COBL: variants seen among roughly 807,000 people sequenced by gnomAD.
The protein encoded by COBL is cordon-bleu WH2 repeat protein.
Under a neutral mutation model 98.8 loss-of-function variants are expected in COBL, and 51 were observed. The ratio of observed to expected loss-of-function variants is 0.52; its 90% CI spans 0.41 to 0.65. COBL has a LOEUF of 0.65. Ranked by LOEUF, COBL falls within the 30% of genes least tolerant of loss-of-function variation. The probability of loss-of-function intolerance (pLI) is 0.00; values close to 1 mark genes in which losing one functional copy is unlikely to be tolerated. For missense variants in COBL, 1,617 were observed against 1,617.5 expected (o/e 1.00, Z 0.01); for synonymous variants, 634 against 651.7 (o/e 0.97, Z 0.41).
At chr7:51,215,755 A>C (rs1485600365) in intron 2 of COBL, among the ~76,000 whole-genome samples, 2 of 152,248 alleles carry the variant, frequency 1.3e-5, no homozygotes, top group Non-Finnish European at 2.9e-5. Context: ...TGCAAGGCCA[A>C]GGCCATGACC....
At chr7:51,159,893 A>AT (rs1340343187) in intron 5 of COBL, among the ~76,000 whole-genome samples, 6 of 152,020 alleles carry the variant, frequency 3.9e-5, no homozygotes, top group African/African-American at 1.4e-4. Context: ...TTTTAAAACT[A>AT]TTTTTTTGTT....
intron 4 of COBL, among the ~76,000 whole-genome samples, chr7:51,189,282 G>C (rs1208657480): frequency 6.6e-6 from 1 of 152,160 alleles, no homozygotes; most frequent in Non-Finnish European, 1.5e-5. Context: ...TTGGCGGGGA[G>C]AGGAAGGCTG....
At chr7:51,051,103 G>C (rs1187442845) in intron 7 of COBL, among the ~76,000 whole-genome samples, 1 of 152,104 alleles carries the variant, frequency 6.6e-6, no homozygotes, top group Non-Finnish European at 1.5e-5. Context: ...GCGTCTGAAG[G>C]CTGGCTCCAT....
At chr7:51,236,031 TC>T (rs1314366594) in intron 1 of COBL, among the ~76,000 whole-genome samples, 3 of 152,150 alleles carry the variant, frequency 2.0e-5, no homozygotes, top group Non-Finnish European at 2.9e-5. Context: ...AAAAAACCCT[TC>T]CCCTTTTACG....
intron 6 of COBL, among the ~76,000 whole-genome samples, chr7:51,096,772 T>C (rs1795309156): frequency 2.0e-5 from 3 of 152,182 alleles, no homozygotes; most frequent in Middle Eastern, 6.8e-3. Flanking sequence ...TACAAACATA[T>C]ATCCTACTAA....
At chr7:51,178,000 G>C (rs1259524843) in intron 5 of COBL, among the ~76,000 whole-genome samples, 2 of 151,894 alleles carry the variant, frequency 1.3e-5, no homozygotes, top group African/African-American at 2.4e-5. Flanking sequence ...ACAAAAATTA[G>C]CTGGGCATGG....
At chr7:51,130,431 C>G (rs908320789) in intron 6 of COBL, among the ~76,000 whole-genome samples, 5 of 152,308 alleles carry the variant, frequency 3.3e-5, no homozygotes, top group Non-Finnish European at 7.4e-5. Context: ...AAACAGAAGG[C>G]AGACTTCACT....
At chr7:51,134,550 C>T (rs1014366074) in intron 6 of COBL, among the ~76,000 whole-genome samples, 1 of 152,144 alleles carries the variant, frequency 6.6e-6, no homozygotes, top group Non-Finnish European at 1.5e-5. Context: ...TGGTACAGTT[C>T]ACCATCTACA....
intron 1 of COBL, among the ~76,000 whole-genome samples, chr7:51,227,599 C>T (rs1251342826): frequency 6.6e-6 from 1 of 152,178 alleles, no homozygotes; most frequent in Non-Finnish European, 1.5e-5. Flanking sequence ...CTTCCTTAGA[C>T]TTGTGCAGAG....
chr7:51,090,506 G>A (rs1053983443), intron 6 of COBL, among the ~76,000 whole-genome samples: 1 of 152,202 alleles, frequency 6.6e-6, no homozygotes, highest in Non-Finnish European at 1.5e-5. Context: ...AGCTTTTCAG[G>A]GGGGCTGCCT....
At chr7:51,279,267 A>G (rs751005871) in intron 1 of COBL, among the ~76,000 whole-genome samples, 3 of 152,258 alleles carry the variant, frequency 2.0e-5, no homozygotes, top group Non-Finnish European at 4.4e-5. Context: ...GGAAGAAGCT[A>G]ATTAAGAGAG....
chr7:51,308,417 C>CA (rs1802690789), intron 1 of COBL, among the ~76,000 whole-genome samples: 1 of 152,172 alleles, frequency 6.6e-6, no homozygotes, highest in South Asian at 2.1e-4. Context: ...GACAGACAGA[C>CA]AGACACACAC....
At chr7:51,313,892 C>T (rs1027917434) in intron 1 of COBL, among the ~76,000 whole-genome samples, 12 of 152,232 alleles carry the variant, frequency 7.9e-5, no homozygotes, top group Non-Finnish European at 2.9e-5. Context: ...TTCAACTGAG[C>T]TCTAAAACTC....
intron 1 of COBL, among the ~76,000 whole-genome samples, chr7:51,251,861 T>TAC (rs373984921): frequency 0.016 from 2,353 of 151,628 alleles, 40 homozygotes; most frequent in African/African-American, 0.048. Flanking sequence ...TGCATGTGTA[T>TAC]ACACACACAC....
rs535487698 is a variant in COBL, at chr7:51,095,268, C to CATGA, written c.958-9965_958-9964insTCAT. Among the ~76,000 whole-genome samples, 356 of 152,296 alleles carry CATGA rather than the reference C, an allele frequency of 2.3e-3. 1 individual carries two copies. The highest frequency in any genetic ancestry group is 8.1e-3 in the African/African-American group (336 of 41,562). On this transcript the variant is annotated intron_variant, in intron 6 of 12. Coordinates refer to ENST00000265136, the MANE Select transcript of COBL (RefSeq NM_015198.5). ...CATCAGATCTCATGGGACTTATTCA[C>CATGA]TATCATGAGAACAGCAAGGGACAGA...
At chr7:51,041,999 C>A (rs1789244925) in intron 8 of COBL, among the ~76,000 whole-genome samples, 1 of 152,082 alleles carries the variant, frequency 6.6e-6, no homozygotes, top group African/African-American at 2.4e-5. Flanking sequence ...TGCACATGGA[C>A]ACTTGATGTC....
intron 1 of COBL, among the ~76,000 whole-genome samples, chr7:51,230,385 C>T (rs1308420799): frequency 2.6e-5 from 4 of 152,170 alleles, no homozygotes; most frequent in African/African-American, 4.8e-5. Context: ...TTCTTCCTCC[C>T]AAGGCCAAAG....
chr7:51,236,450 A>G (rs997535587), intron 1 of COBL, among the ~76,000 whole-genome samples: 2 of 152,064 alleles, frequency 1.3e-5, no homozygotes, highest in African/African-American at 4.8e-5. Flanking sequence ...AGGAGGGTAC[A>G]CCCATTCACT....
intron 5 of COBL, among the ~76,000 whole-genome samples, chr7:51,167,207 A>G (rs1056011417): frequency 8.5e-5 from 13 of 152,162 alleles, no homozygotes; most frequent in Non-Finnish European, 1.8e-4. Context: ...GAAAAACCTA[A>G]AGTTTCACAA....
Sources: gnomAD v4.1 joint callset for allele counts (sites outside exome capture counted in the v4.1 genomes callset) on GRCh38, gnomAD v4.1.1 for gene constraint, MANE v1.5 for transcripts, NCBI Gene and HGNC (gene_info 2026-07-23, HGNC 2026-07-21) for gene names.